PRDM15: variants seen among roughly 807,000 people sequenced by gnomAD.
The protein encoded by PRDM15 is PR domain zinc finger protein 15.
In PRDM15, 64 loss-of-function variants were observed where a neutral mutation model predicts 128.6. The ratio of observed to expected loss-of-function variants is 0.50; its 90% CI spans 0.41 to 0.61. The LOEUF is 0.61. Among genes scored for constraint, PRDM15 ranks in the 20% least tolerant of loss-of-function variants. The pLI is 0.00. For missense variants in PRDM15, 1,242 were observed against 1,569.1 expected (o/e 0.79, Z 3.52); for synonymous variants, 615 against 621.8 (o/e 0.99, Z 0.16).
At chr21:41,824,549 A>C (rs28708536) in intron 13 of PRDM15, among the ~76,000 whole-genome samples, 1 of 152,104 alleles carries the variant, frequency 6.6e-6, no homozygotes. Flanking sequence ...TTGCACAAAC[A>C]ATCTCTCAAC....
intron 11 of PRDM15, among the ~76,000 whole-genome samples, chr21:41,834,832 G>GC (rs1462515022): frequency 6.6e-6 from 1 of 152,188 alleles, no homozygotes. Flanking sequence ...GGCCTCAGAC[G>GC]CCCCCCAGGC....
Position 41,801,355 on chromosome 21 carries a change from C to T in PRDM15, c.3311G>A (p.Arg1104Gln), listed in dbSNP as rs148832213. The T allele has an allele frequency of 4.4e-6, 7 of 1,605,454 alleles. No individual in the cohort carries two copies. The highest frequency in any genetic ancestry group is 1.1e-5 in the South Asian group (1 of 90,150). ...CAAGACGTCAGTCTGGGGCACTGCC[C>T]GCCACGTGAGCGGGTGCTGGTCACT... is the stretch of plus-strand genomic sequence containing the variant. ...QLSDQHPLTW[R>Q]AVPQTDVLPP... The change falls in exon 24 of 24, where the codon CGG (arginine) becomes CAG (glutamine). Residue 1104 changes from arginine to glutamine, a missense_variant. Around this residue, in one of 3 missense-constraint regions of PRDM15, gnomAD observed 602 missense variants for 788.3 expected, o/e 0.76. Transcript: ENST00000398548.
Position 41,856,866 on chromosome 21 carries a change from G to A in PRDM15, c.285+310C>T, listed in dbSNP as rs530408914. 3.9e-5 allele frequency among the ~76,000 whole-genome samples: 6 copies of A among 152,326 alleles called. No homozygotes were observed. The South Asian group carries it at 1.2e-3, about 32-fold the overall frequency. On this transcript the variant is annotated intron_variant, in intron 4 of 23. Coordinates refer to ENST00000398548, the MANE Select transcript of PRDM15 (RefSeq NM_001040424.3). ...ATGGGCCCCTGCAAGACGCTGCCTCGTAAAGCCTGCGACAGCAATGGAGGT... is the reference window on the plus strand; with the variant it reads ...ATGGGCCCCTGCAAGACGCTGCCTCATAAAGCCTGCGACAGCAATGGAGGT...
At chr21:41,838,315 CACA>C (rs1398416127) in intron 7 of PRDM15, among the ~76,000 whole-genome samples, 6 of 152,108 alleles carry the variant, frequency 3.9e-5, no homozygotes, top group Non-Finnish European at 8.8e-5. Context: ...TTTTAAAAAC[CACA>C]ACATCATAAC....
chr21:41,840,054 A>C, intron 6 of PRDM15, among the ~76,000 whole-genome samples: 1 of 152,250 alleles, frequency 6.6e-6, no homozygotes. Flanking sequence ...AAGTGGTAAA[A>C]GCAAGGGTAG....
Position 41,815,691 on chromosome 21 carries a change from G to T in PRDM15, c.2392+14C>A. ...TGAGCGCCGTGGCTGGCGCGGCCCG[G>T]GCCTCGGACTCACCCGTGTGCCGCT... is the stretch of plus-strand genomic sequence containing the variant. On this transcript the variant is annotated intron_variant, in intron 19 of 23. Coordinates refer to ENST00000398548, the MANE Select transcript of PRDM15 (RefSeq NM_001040424.3). 1 of 1,611,930 alleles carries T rather than the reference G, an allele frequency of 6.2e-7. No individual in the cohort carries two copies. Among genetic ancestry groups the T allele is most frequent in the Non-Finnish European group, 8.5e-7 (1 of 1,179,780 alleles).
intron 6 of PRDM15, among the ~76,000 whole-genome samples, chr21:41,842,896 T>C (rs2063117694): frequency 6.6e-6 from 1 of 151,790 alleles, no homozygotes; most frequent in Non-Finnish European, 1.5e-5. Context: ...GACATTCTCC[T>C]GTCTCAGCCT....
intron 4 of PRDM15, among the ~76,000 whole-genome samples, chr21:41,855,022 T>C (rs1353068276): frequency 1.3e-5 from 2 of 152,182 alleles, no homozygotes; most frequent in Non-Finnish European, 2.9e-5. Context: ...GTCAGGTTAG[T>C]CACAGGCAAA....
chr21:41,806,501 C>A (rs1356903891), intron 21 of PRDM15, among the ~76,000 whole-genome samples: 1 of 65,342 alleles, frequency 1.5e-5, no homozygotes, highest in African/African-American at 7.9e-5. Flanking sequence ...ACCATCACCA[C>A]CATCACCATC....
At chr21:41,806,071 A>ACTG (rs2061576953) in intron 21 of PRDM15, among the ~76,000 whole-genome samples, 1 of 143,622 alleles carries the variant, frequency 7.0e-6, no homozygotes, top group Admixed American at 7.0e-5. Context: ...CACCATCACC[A>ACTG]CCACCATCAC....
intron 1 of PRDM15, among the ~76,000 whole-genome samples, chr21:41,861,396 G>A (rs1386568376): frequency 6.6e-6 from 1 of 152,122 alleles, no homozygotes; most frequent in Non-Finnish European, 1.5e-5. Context: ...TCACAGGGTG[G>A]ATCTAGACAT....
At chr21:41,834,724 C>T (rs749825513) in intron 11 of PRDM15, among the ~76,000 whole-genome samples, 2 of 152,220 alleles carry the variant, frequency 1.3e-5, no homozygotes, top group African/African-American at 2.4e-5. Flanking sequence ...AATACAGGGG[C>T]GTCCTCGGGC....
rs751818178 is a variant in PRDM15, at chr21:41,821,123, G to A, written c.2004C>T (p.Thr668=). Residue 668 remains threonine (T), a synonymous_variant, in exon 16 of 24, where the codon ACC becomes ACT. Coordinates refer to ENST00000398548, the MANE Select transcript of PRDM15 (RefSeq NM_001040424.3). The surrounding 1 kb of genome is among the most constrained non-coding windows in gnomAD (Gnocchi z 5.4). ...GGTGGATGACCATGTGGGCGTGGTA[G>A]GTGGCCTTCAGTGCAAAGCGCCGGT... ...ICNRRFALKA[T]YHAHMVIHRE... The A allele has an allele frequency of 3.1e-6, 5 of 1,614,134 alleles. No individual in the cohort carries two copies. Among genetic ancestry groups the A allele is most frequent in the Non-Finnish European group, 3.4e-6 (4 of 1,180,044 alleles).
At chr21:41,812,107 G>A (rs1046052818) in intron 19 of PRDM15, 1 of 152,172 alleles carries the variant, frequency 6.6e-6, no homozygotes, top group Admixed American at 6.5e-5. Context: ...TCGTGCCCAC[G>A]GATTCTAAGA....
In PRDM15 at chr21:41,822,016, G is replaced by A. The variant is rs777893342; in HGVS notation, c.1783C>T (p.His595Tyr). The stretch of plus-strand genomic sequence containing the variant: ...TTGCCGATAAACTCTTCCCTCTGGT[G>A]GTCATCCATCAACGCGATGTCCTGG... ...HFKDIALMDD[H>Y]QREEFIGKIG... Residue 595 changes from histidine (H) to tyrosine (Y), a missense_variant, in exon 15 of 24, where the codon CAC becomes TAC. Transcript: ENST00000398548. 7.4e-6 allele frequency: 12 copies of A among 1,614,026 alleles called. No homozygotes were observed. In the East Asian group the frequency reaches 8.9e-5, roughly 12 times the overall value.
chr21:41,822,137 AG>A, intron 14 of PRDM15, 100 bp from the exon 15 acceptor site: 1 of 1,521,104 alleles, frequency 6.6e-7, no homozygotes, highest in Non-Finnish European at 9.0e-7. Flanking sequence ...CAGATGCAGA[AG>A]AAAATGCCTC....
intron 7 of PRDM15, among the ~76,000 whole-genome samples, chr21:41,838,825 A>C (rs9984850): frequency 0.27 from 41,676 of 152,104 alleles, 5,899 homozygotes; most frequent in African/African-American, 0.32. Context: ...GCTCTTCCCA[A>C]TTGTCTCTAA....
chr21:41,828,366 T>C lies in PRDM15; in HGVS notation c.1367-33A>G, dbSNP rs762078712. On this transcript the variant is annotated intron_variant, in intron 11 of 23. Transcript: ENST00000398548. The surrounding 1 kb of genome is among the most constrained non-coding windows in gnomAD (Gnocchi z 5.7). The stretch of plus-strand genomic sequence containing the variant: ...GAGAGCAAACAAACACACAACGATT[T>C]TGAGGTAAATAACATCTCACGCAGG... 2.1e-5 allele frequency: 34 copies of C among 1,610,978 alleles called. No homozygotes were observed. The highest frequency in any genetic ancestry group is 2.9e-5 in the Non-Finnish European group (34 of 1,177,810).
Position 41,873,140 on chromosome 21 carries a change from G to A in PRDM15, c.-10+6130C>T, listed in dbSNP as rs544347541. Among the ~76,000 whole-genome samples the A allele has an allele frequency of 3.3e-5, 5 of 152,258 alleles. No individual in the cohort carries two copies. In the East Asian group the frequency reaches 9.6e-4, roughly 29 times the overall value. On this transcript the variant is annotated intron_variant, in intron 1 of 23. Coordinates refer to ENST00000398548, the MANE Select transcript of PRDM15 (RefSeq NM_001040424.3). ...AGGTCTGACAGCAGCTGCATCCTGG[G>A]CCTCCCCTTCCACATCAGCCTGGGG...
Sources: allele counts gnomAD v4.1 joint callset (sites outside exome capture counted in the v4.1 genomes callset), GRCh38; gene constraint gnomAD v4.1.1; regional missense constraint gnomAD v4.1.1; non-coding constraint Gnocchi (gnomAD v3.1); transcripts MANE v1.5; gene names NCBI Gene and HGNC (gene_info 2026-07-23, HGNC 2026-07-21).